Variants in TMEM132C observed in about 807,000 individuals in gnomAD.
TMEM132C encodes the protein transmembrane protein 132C, also known as protein phosphatase 1, regulatory subunit 152.
A neutral mutation model predicts 61.4 loss-of-function variants in TMEM132C; 29 were observed. That is an observed-to-expected ratio of 0.47 (90% CI 0.35 to 0.64). The LOEUF (loss-of-function observed/expected upper bound fraction) is 0.64, where lower values mean the gene tolerates loss of function less well. TMEM132C is among the 30% of genes least tolerant of loss of function. The pLI is 0.00. For missense variants in TMEM132C, 1,408 were observed against 1,476.9 expected (o/e 0.95, Z 0.76); for synonymous variants, 656 against 633.1 (o/e 1.04, Z -0.54).
At chr12:128,354,993 G>T (rs1873455429) in intron 1 of TMEM132C, among the ~76,000 whole-genome samples, 1 of 152,212 alleles carries the variant, frequency 6.6e-6, no homozygotes, top group African/African-American at 2.4e-5. Flanking sequence ...CCCCTCTAGA[G>T]GGAATGTGGG....
chr12:128,607,579 G>T (rs771795417), intron 3 of TMEM132C, among the ~76,000 whole-genome samples: 1 of 152,194 alleles, frequency 6.6e-6, no homozygotes, highest in African/African-American at 2.4e-5. Flanking sequence ...GTGGTGGGAA[G>T]TGCTCAGGTT....
chr12:128,358,555 A>G (rs927964471), intron 1 of TMEM132C, among the ~76,000 whole-genome samples: 16 of 150,236 alleles, frequency 1.1e-4, no homozygotes, highest in Admixed American at 4.0e-4. Context: ...AACTTCCTAA[A>G]GAACCAGTAC....
chr12:128,396,386 G>T (rs940017529), intron 1 of TMEM132C, among the ~76,000 whole-genome samples: 2 of 61,562 alleles, frequency 3.2e-5, no homozygotes, highest in East Asian at 3.9e-4. Flanking sequence ...GGCCTGTCGT[G>T]GGGGTGAGGG....
intron 2 of TMEM132C, among the ~76,000 whole-genome samples, chr12:128,525,207 C>T (rs570491768): frequency 2.0e-5 from 3 of 152,292 alleles, no homozygotes; most frequent in African/African-American, 7.2e-5. Context: ...TAGGCAAGGC[C>T]TTTCCAAGCA....
intron 1 of TMEM132C, among the ~76,000 whole-genome samples, chr12:128,365,270 GAT>G (rs1317530526): frequency 6.6e-6 from 1 of 152,200 alleles, no homozygotes; most frequent in Non-Finnish European, 1.5e-5. Flanking sequence ...AAGTGCTCAT[GAT>G]GTAGAATTGT....
intron 1 of TMEM132C, among the ~76,000 whole-genome samples, chr12:128,412,947 A>G (rs368455611): frequency 2.0e-5 from 3 of 152,120 alleles, no homozygotes; most frequent in East Asian, 1.9e-4. Flanking sequence ...ACTGTAGTTC[A>G]TTCAGCCATT....
intron 5 of TMEM132C, among the ~76,000 whole-genome samples, chr12:128,680,638 T>C (rs1363815764): frequency 6.6e-6 from 1 of 152,202 alleles, no homozygotes; most frequent in Non-Finnish European, 1.5e-5. Context: ...GAAAGTTCTA[T>C]GGGAAGCACA....
intron 2 of TMEM132C, among the ~76,000 whole-genome samples, chr12:128,500,825 A>G (rs1872148069): frequency 6.6e-6 from 1 of 152,224 alleles, no homozygotes. Context: ...TTCTACTCCC[A>G]GATATATATA....
intron 3 of TMEM132C, among the ~76,000 whole-genome samples, chr12:128,580,547 C>T (rs552841004): frequency 3.3e-5 from 5 of 152,302 alleles, no homozygotes; most frequent in South Asian, 4.1e-4. Flanking sequence ...CACGGTCCAA[C>T]GTGGGAAATT....
At chr12:128,516,067 A>T (rs1448596171) in intron 2 of TMEM132C, among the ~76,000 whole-genome samples, 2 of 152,172 alleles carry the variant, frequency 1.3e-5, no homozygotes, top group African/African-American at 4.8e-5. Context: ...AGAAGGAAGG[A>T]GGAACCTGGA....
At chr12:128,371,859 A>T (rs1235995859) in intron 1 of TMEM132C, among the ~76,000 whole-genome samples, 1 of 152,228 alleles carries the variant, frequency 6.6e-6, no homozygotes, top group Non-Finnish European at 1.5e-5. Flanking sequence ...GATTACAGAC[A>T]TGAGCCACTG....
chr12:128,335,468 A>G (rs1026980547), intron 1 of TMEM132C, among the ~76,000 whole-genome samples: 3 of 152,208 alleles, frequency 2.0e-5, no homozygotes, highest in African/African-American at 7.2e-5. Flanking sequence ...GTTGTATTCT[A>G]ACTGCCCGTC....
intron 1 of TMEM132C, among the ~76,000 whole-genome samples, chr12:128,306,415 G>A (rs1871785867): frequency 6.6e-6 from 1 of 151,954 alleles, no homozygotes; most frequent in African/African-American, 2.4e-5. Context: ...TGTTAGCCAG[G>A]ATGGTCTCGA....
intron 2 of TMEM132C, among the ~76,000 whole-genome samples, chr12:128,441,533 A>G (rs1032963304): frequency 2.0e-5 from 3 of 152,150 alleles, no homozygotes; most frequent in Non-Finnish European, 4.4e-5. Context: ...CCTCACACAT[A>G]TGGGAGACTC....
At chr12:128,589,294 A>G (rs2135565122) in intron 3 of TMEM132C, among the ~76,000 whole-genome samples, 1 of 152,240 alleles carries the variant, frequency 6.6e-6, no homozygotes, top group South Asian at 2.1e-4. Flanking sequence ...GCAGCCCTGC[A>G]AGGGCCTCCC....
chr12:128,609,535 G>A (rs1388933128), intron 3 of TMEM132C, among the ~76,000 whole-genome samples: 1 of 152,022 alleles, frequency 6.6e-6, no homozygotes, highest in African/African-American at 2.4e-5. Context: ...TGGGATTACA[G>A]GCATGAGCCA....
At chr12:128,548,964 C>T (rs1874058837) in intron 3 of TMEM132C, among the ~76,000 whole-genome samples, 1 of 152,164 alleles carries the variant, frequency 6.6e-6, no homozygotes, top group Non-Finnish European at 1.5e-5. Context: ...ACTTAAGCAT[C>T]CATGGATGTT....
rs145675522 is a variant in TMEM132C, at chr12:128,566,063, T to C, written c.1121+21960T>C. On this transcript the variant is annotated intron_variant, in intron 3 of 8. Coordinates refer to ENST00000435159, the MANE Select transcript of TMEM132C (RefSeq NM_001136103.3). Reference sequence around the variant, plus strand: ...TGCCACCATGCCCAGATAGTTTTTGTATTTTTAGCAGAAATGGGGTTTCGC... The same window carrying C: ...TGCCACCATGCCCAGATAGTTTTTGCATTTTTAGCAGAAATGGGGTTTCGC... 4.8e-3 allele frequency among the ~76,000 whole-genome samples: 734 copies of C among 152,078 alleles called. 6 individuals are homozygous for C. Among genetic ancestry groups the C allele is most frequent in the African/African-American group, 0.017 (713 of 41,450 alleles).
At chr12:128,670,337 C>A (rs566361052) in intron 5 of TMEM132C, among the ~76,000 whole-genome samples, 1 of 152,250 alleles carries the variant, frequency 6.6e-6, no homozygotes, top group African/African-American at 2.4e-5. Flanking sequence ...TTATTAGTAA[C>A]TAAATGTAGC....
Sources: allele counts gnomAD v4.1 joint callset (sites outside exome capture counted in the v4.1 genomes callset), GRCh38; gene constraint gnomAD v4.1.1; transcripts MANE v1.5; gene names NCBI Gene and HGNC (gene_info 2026-07-23, HGNC 2026-07-21).